The following SOX5 variants were observed in gnomAD, a reference collection of about 807,000 sequenced individuals.
SOX5 encodes SRY-box transcription factor 5.
In SOX5, 9 loss-of-function variants were observed where a neutral mutation model predicts 92.0. The ratio of observed to expected loss-of-function variants is 0.10; its 90% CI spans 0.06 to 0.17. The LOEUF is 0.17. Among genes scored for constraint, SOX5 ranks in the 10% least tolerant of loss-of-function variants. The pLI is 1.00. For missense variants in SOX5, 642 were observed against 944.5 expected (o/e 0.68, Z 4.20); for synonymous variants, 344 against 336.3 (o/e 1.02, Z -0.25).
At chr12:23,608,711 G>A (rs1184235381) in intron 8 of SOX5, among the ~76,000 whole-genome samples, 2 of 152,144 alleles carry the variant, frequency 1.3e-5, no homozygotes, top group Non-Finnish European at 2.9e-5. Context: ...AGGGATAAAT[G>A]AAATTGACCT....
At chr12:23,603,318 C>A (rs1237188952) in intron 9 of SOX5, among the ~76,000 whole-genome samples, 17 of 151,280 alleles carry the variant, frequency 1.1e-4, no homozygotes, top group Non-Finnish European at 5.9e-5. Context: ...TAATCCTTTT[C>A]TCTGTGTATT....
At chr12:24,139,873 T>C (rs938074370) in intron 4 of SOX5, among the ~76,000 whole-genome samples, 2 of 152,172 alleles carry the variant, frequency 1.3e-5, no homozygotes, top group Admixed American at 6.6e-5. Flanking sequence ...GCCTGCCCTC[T>C]GCCTGGATAA....
chr12:23,790,844 A>G (rs1434366460), intron 3 of SOX5, among the ~76,000 whole-genome samples: 1 of 152,128 alleles, frequency 6.6e-6, no homozygotes, highest in African/African-American at 2.4e-5. Context: ...TTTTCTATGC[A>G]TGCAATCTCA....
At chr12:23,558,548 T>G (rs921664726) in intron 11 of SOX5, among the ~76,000 whole-genome samples, 1 of 152,330 alleles carries the variant, frequency 6.6e-6, no homozygotes, top group Non-Finnish European at 1.5e-5. Flanking sequence ...GTTGATGAAC[T>G]CATGCCACCA....
intron 2 of SOX5, among the ~76,000 whole-genome samples, chr12:23,873,807 T>G (rs765144871): frequency 4.6e-5 from 7 of 152,178 alleles, no homozygotes; most frequent in Admixed American, 2.6e-4. Flanking sequence ...TGATTGTTGT[T>G]TAAGAGATTC....
At chr12:24,442,947 AAT>A (rs1491533105) in intron 1 of SOX5, among the ~76,000 whole-genome samples, 2 of 115,544 alleles carry the variant, frequency 1.7e-5, no homozygotes, top group East Asian at 5.0e-4. Context: ...TTAAGTTTAT[AAT>A]TTTTTTTTTT....
rs535452659 is a variant in SOX5, at chr12:23,874,408, C to T, written c.270+21385G>A. On this transcript the variant is annotated intron_variant, in intron 2 of 14. Coordinates refer to ENST00000451604, the MANE Select transcript of SOX5 (RefSeq NM_006940.6). ...TAGCGACGCACCATACGCAGACCAC[C>T]GCAACCTTGGTGCTCTTAGAAATCT... Among the ~76,000 whole-genome samples the T allele has an allele frequency of 2.6e-5, 4 of 152,206 alleles. No individual in the cohort carries two copies. The South Asian group carries it at 6.2e-4, about 24-fold the overall frequency.
Position 24,145,243 on chromosome 12 carries a change from AAAATT to A in SOX5, c.-2+68095_-2+68099del, listed in dbSNP as rs569208106. Among the ~76,000 whole-genome samples the A allele has an allele frequency of 1.8e-3, 279 of 152,330 alleles. 2 individuals are homozygous for A. Among genetic ancestry groups the A allele is most frequent in the African/African-American group, 6.2e-3 (259 of 41,586 alleles). On this transcript the variant is annotated intron_variant, in intron 4 of 4. Transcript: ENST00000446891. Reference sequence around the variant, plus strand: ...AGAAGAAATAAAATGTAATTATAAAAAAATTAAATTAATTTTTAAGAGGCAAGTAA... The same window carrying A: ...AGAAGAAATAAAATGTAATTATAAAAAAATTAATTTTTAAGAGGCAAGTAA...
intron 4 of SOX5, among the ~76,000 whole-genome samples, chr12:23,956,537 A>G (rs887965779): frequency 2.0e-5 from 3 of 152,102 alleles, no homozygotes; most frequent in East Asian, 1.9e-4. Context: ...TCTCAATGCC[A>G]TACTCCCACC....
chr12:24,536,921 C>T (rs1482876975), intron 1 of SOX5, among the ~76,000 whole-genome samples: 2 of 152,174 alleles, frequency 1.3e-5, no homozygotes, highest in East Asian at 1.9e-4. Flanking sequence ...CAGCACAACT[C>T]GGGTTCCTTT....
At chr12:23,882,189 T>C (rs2097000199) in intron 2 of SOX5, among the ~76,000 whole-genome samples, 2 of 152,318 alleles carry the variant, frequency 1.3e-5, no homozygotes, top group South Asian at 4.1e-4. Flanking sequence ...TCCCATATCA[T>C]ATCCTTTTTA....
intron 1 of SOX5, among the ~76,000 whole-genome samples, chr12:24,458,344 C>CA (rs1351636040): frequency 6.6e-6 from 1 of 152,028 alleles, no homozygotes; most frequent in East Asian, 1.9e-4. Context: ...AGAATGATTG[C>CA]AAAAATTAAA....
chr12:23,895,546 TC>T (rs1185365741), intron 2 of SOX5, among the ~76,000 whole-genome samples: 1 of 152,146 alleles, frequency 6.6e-6, no homozygotes, highest in Non-Finnish European at 1.5e-5. Flanking sequence ...GTATATTTTT[TC>T]CCCTCTAATT....
intron 1 of SOX5, among the ~76,000 whole-genome samples, chr12:24,437,300 C>A (rs1939633033): frequency 6.6e-6 from 1 of 152,130 alleles, no homozygotes; most frequent in Non-Finnish European, 1.5e-5. Flanking sequence ...CCCTCCCTCA[C>A]ACCTTATATA....
rs529105233 is a variant in SOX5 at position 23,532,214 on chromosome 12, A to G, written c.*2005T>C. ...CAAAAACAAACAAACAGAAAAACAA[A>G]CAAAATGAAATCTCTGACATGCAGG... On this transcript the variant is annotated 3_prime_UTR_variant, in exon 15 of 15. Transcript: ENST00000451604. 1 of 152,160 alleles carries G rather than the reference A, an allele frequency of 6.6e-6. No individual in the cohort carries two copies. The highest frequency in any genetic ancestry group is 2.4e-5 in the African/African-American group (1 of 41,530). The allele number at this position is 152,160 out of a possible 1,614,324, so 9.4% of individuals were successfully genotyped here.
chr12:23,586,403 T>C (rs960716954), intron 9 of SOX5, among the ~76,000 whole-genome samples: 1 of 152,026 alleles, frequency 6.6e-6, no homozygotes, highest in African/African-American at 2.4e-5. Flanking sequence ...GCAATGTAAG[T>C]GACTAGGAAA....
At chr12:24,381,962 C>T (rs1596114138) in intron 1 of SOX5, among the ~76,000 whole-genome samples, 2 of 152,164 alleles carry the variant, frequency 1.3e-5, no homozygotes, top group East Asian at 3.9e-4. Context: ...ATACAGAACA[C>T]CAGCCAAAAT....
chr12:23,623,260 A>G (rs1198795315), intron 8 of SOX5, among the ~76,000 whole-genome samples: 1 of 152,202 alleles, frequency 6.6e-6, no homozygotes, highest in African/African-American at 2.4e-5. Flanking sequence ...CAGAAGCATA[A>G]AGCATTTAAG....
chr12:23,672,979 A>G (rs1442002146), intron 6 of SOX5, among the ~76,000 whole-genome samples: 1 of 152,150 alleles, frequency 6.6e-6, no homozygotes, highest in Non-Finnish European at 1.5e-5. Context: ...AATTTCAAAA[A>G]ATGATGACAT....
Sources: gnomAD v4.1 joint callset for allele counts (sites outside exome capture counted in the v4.1 genomes callset) on GRCh38, gnomAD v4.1.1 for gene constraint, MANE v1.5 for transcripts, NCBI Gene and HGNC (gene_info 2026-07-23, HGNC 2026-07-21) for gene names.